The following LRRC4C variants were observed in gnomAD, a reference collection of about 807,000 sequenced individuals.
LRRC4C encodes the protein leucine rich repeat containing 4C.
In LRRC4C, 5 loss-of-function variants were observed where a neutral mutation model predicts 33.6. The observed-to-expected ratio is 0.15, with a 90% CI of 0.08 to 0.31. The LOEUF (loss-of-function observed/expected upper bound fraction) is 0.31, where lower values mean the gene tolerates loss of function less well. Ranked by LOEUF, LRRC4C falls within the 10% of genes least tolerant of loss-of-function variation. LRRC4C has a pLI of 1.00. For missense variants in LRRC4C, 560 were observed against 796.7 expected (o/e 0.70, Z 3.58); for synonymous variants, 329 against 302.0 (o/e 1.09, Z -0.93).
intron 3 of LRRC4C, among the ~76,000 whole-genome samples, chr11:40,416,647 A>T (rs2137693429): frequency 6.6e-6 from 1 of 152,324 alleles, no homozygotes. Context: ...ACCTGGCACT[A>T]AGTGACTTGC....
intron 3 of LRRC4C, among the ~76,000 whole-genome samples, chr11:40,538,287 C>T (rs761600325): frequency 1.7e-4 from 26 of 152,020 alleles, no homozygotes; most frequent in Non-Finnish European, 3.2e-4. Context: ...TCCCCCTTCC[C>T]CCCAACCCAC....
rs143206874 is a variant in LRRC4C, at chr11:40,597,598, A to C, written c.-270+50544T>G. Among the ~76,000 whole-genome samples, 186 of 151,670 alleles carry C rather than the reference A, an allele frequency of 1.2e-3. 1 individual carries two copies. The highest frequency in any genetic ancestry group is 4.2e-3 in the African/African-American group (174 of 41,466). ...TAATAGTAACAGTAAGTTGAGGAAC[A>C]TCAAACAGGAAGGAAGAAATCCACT... On this transcript the variant is annotated intron_variant, in intron 3 of 6. Transcript: ENST00000528697.
intron 1 of LRRC4C, among the ~76,000 whole-genome samples, chr11:41,410,701 A>C (rs61877332): frequency 6.6e-6 from 1 of 152,066 alleles, no homozygotes; most frequent in Non-Finnish European, 1.5e-5. Context: ...CGGCCTCCCA[A>C]AATGATGGGA....
intron 1 of LRRC4C, among the ~76,000 whole-genome samples, chr11:41,040,113 G>A (rs1241571562): frequency 6.8e-6 from 1 of 146,158 alleles, no homozygotes; most frequent in Non-Finnish European, 1.5e-5. Context: ...ACTCCAGCCT[G>A]GGCAACAGAG....
At chr11:40,887,347 C>T (rs1955516070) in intron 2 of LRRC4C, among the ~76,000 whole-genome samples, 1 of 151,906 alleles carries the variant, frequency 6.6e-6, no homozygotes, top group East Asian at 1.9e-4. Context: ...ACAAACTTAG[C>T]ATCATTTAAA....
In LRRC4C at chr11:40,281,642, T is replaced by C. The variant is rs745908396; in HGVS notation, c.-176+37986A>G. ...TCAAACCATTAGTTGAAAGAAAACA[T>C]GTCCATTGCCCTGAAATTAAATTCC... On this transcript the variant is annotated intron_variant, in intron 4 of 6. Coordinates refer to ENST00000528697, the MANE Select transcript of LRRC4C (RefSeq NM_001258419.2). Among the ~76,000 whole-genome samples the C allele has an allele frequency of 3.3e-5, 5 of 152,182 alleles. No homozygotes were observed. The South Asian group carries it at 8.3e-4, about 25-fold the overall frequency.
intron 1 of LRRC4C, among the ~76,000 whole-genome samples, chr11:41,005,660 GCTCT>G (rs915152902): frequency 1.3e-5 from 2 of 151,586 alleles, no homozygotes; most frequent in African/African-American, 4.8e-5. Flanking sequence ...TCTCTGTCTT[GCTCT>G]CTCTCTCTCG....
intron 3 of LRRC4C, among the ~76,000 whole-genome samples, chr11:40,645,796 C>G: frequency 6.6e-6 from 1 of 152,098 alleles, no homozygotes; most frequent in South Asian, 2.1e-4. Flanking sequence ...TTCTGGGGTA[C>G]AGCCCCAGCT....
At chr11:41,442,943 A>G (rs954348343) in intron 1 of LRRC4C, among the ~76,000 whole-genome samples, 1 of 152,146 alleles carries the variant, frequency 6.6e-6, no homozygotes, top group African/African-American at 2.4e-5. Flanking sequence ...TGAGGCATGT[A>G]TGATTCTCAT....
At chr11:40,258,464 T>C (rs1482990071) in intron 4 of LRRC4C, among the ~76,000 whole-genome samples, 1 of 152,226 alleles carries the variant, frequency 6.6e-6, no homozygotes, top group Non-Finnish European at 1.5e-5. Context: ...TATATGTTAG[T>C]ATCTTTTTGC....
chr11:41,309,662 C>G (rs1950595756), intron 1 of LRRC4C, among the ~76,000 whole-genome samples: 1 of 152,058 alleles, frequency 6.6e-6, no homozygotes, highest in Non-Finnish European at 1.5e-5. Flanking sequence ...AAATAAAGAC[C>G]AATATGTTAA....
At chr11:40,898,121 G>A (rs1479880353) in intron 2 of LRRC4C, among the ~76,000 whole-genome samples, 6 of 152,022 alleles carry the variant, frequency 3.9e-5, no homozygotes, top group Admixed American at 2.0e-4. Context: ...TTAGGAGGCC[G>A]AGGCGGGCAG....
intron 3 of LRRC4C, among the ~76,000 whole-genome samples, chr11:40,585,878 G>C (rs1958711992): frequency 7.4e-6 from 1 of 135,750 alleles, no homozygotes; most frequent in African/African-American, 2.7e-5. Context: ...ATCATTGTTG[G>C]ACATTTGGGT....
intron 2 of LRRC4C, among the ~76,000 whole-genome samples, chr11:40,776,086 T>G (rs967101005): frequency 6.6e-6 from 1 of 151,980 alleles, no homozygotes; most frequent in African/African-American, 2.4e-5. Context: ...TACTGATTTG[T>G]GTTTGTTGAA....
intron 2 of LRRC4C, among the ~76,000 whole-genome samples, chr11:40,806,316 C>A (rs1388595227): frequency 6.6e-6 from 1 of 152,190 alleles, no homozygotes; most frequent in Non-Finnish European, 1.5e-5. Flanking sequence ...CTCTTCATGT[C>A]TGTCTCCATC....
chr11:40,241,438 A>G, intron 5 of LRRC4C, 81 bp downstream of exon 5: 1 of 152,256 alleles, frequency 6.6e-6, no homozygotes, highest in Middle Eastern at 3.4e-3. Context: ...GAACAAAAAA[A>G]CCTTTAAAAG....
At chr11:41,425,456 A>G (rs1485924468) in intron 1 of LRRC4C, among the ~76,000 whole-genome samples, 1 of 152,098 alleles carries the variant, frequency 6.6e-6, no homozygotes, top group Non-Finnish European at 1.5e-5. Context: ...TGGCTGAGTA[A>G]AGAAGTGACT....
chr11:40,541,400 C>A (rs149257129), intron 3 of LRRC4C, among the ~76,000 whole-genome samples: 78 of 152,226 alleles, frequency 5.1e-4, no homozygotes, highest in African/African-American at 1.8e-3. Flanking sequence ...AGCCACCACT[C>A]CTGGCTGTTT....
At chr11:41,349,212 T>C (rs1005982876) in intron 1 of LRRC4C, among the ~76,000 whole-genome samples, 34 of 152,110 alleles carry the variant, frequency 2.2e-4, no homozygotes, top group Admixed American at 1.1e-3. Flanking sequence ...CCTTATCTAA[T>C]AGCCAGAGAA....
Sources: allele counts gnomAD v4.1 joint callset (sites outside exome capture counted in the v4.1 genomes callset), GRCh38; gene constraint gnomAD v4.1.1; transcripts MANE v1.5; gene names NCBI Gene and HGNC (gene_info 2026-07-23, HGNC 2026-07-21).